The following COL4A2 variants were observed in gnomAD, a reference collection of about 807,000 sequenced individuals.
The protein encoded by COL4A2 is collagen type IV alpha 2 chain.
COL4A2 carries 99 observed loss-of-function variants against 200.2 expected under a neutral mutation model. That is an observed-to-expected ratio of 0.49 (90% CI 0.42 to 0.58). COL4A2 has a LOEUF of 0.58. Ranked by LOEUF, COL4A2 falls within the 20% of genes least tolerant of loss-of-function variation. The pLI is 0.00. For missense variants in COL4A2, 1,950 were observed against 2,314.1 expected, an observed-to-expected ratio of 0.84 and a Z score of 3.23; for synonymous variants, 897 against 900.6, an observed-to-expected ratio of 1.00 and a Z score of 0.07.
At chr13:110,391,699 T>C (rs1280870520) in intron 4 of COL4A2, among the ~76,000 whole-genome samples, 1 of 152,186 alleles carries the variant, frequency 6.6e-6, no homozygotes, top group Non-Finnish European at 1.5e-5. Flanking sequence ...ACACCTTTCT[T>C]TCAGGGTCGT....
intron 3 of COL4A2, among the ~76,000 whole-genome samples, chr13:110,326,062 G>A (rs1317612460): frequency 1.3e-5 from 2 of 152,070 alleles, no homozygotes; most frequent in Non-Finnish European, 2.9e-5. Flanking sequence ...GTGGGATTAC[G>A]GGCATGAGCC....
intron 5 of COL4A2, 38 bp from the exon 6 acceptor site, chr13:110,424,915 A>G: frequency 6.2e-7 from 1 of 1,614,208 alleles, no homozygotes; most frequent in Non-Finnish European, 8.5e-7. Context: ...GGTGGCGGGT[A>G]TCTCAGCCTT....
At chr13:110,496,062 C>A (rs1883444668) in intron 40 of COL4A2, among the ~76,000 whole-genome samples, 1 of 152,230 alleles carries the variant, frequency 6.6e-6, no homozygotes. Flanking sequence ...CTCCCCCACC[C>A]CGCCCACCTC....
chr13:110,482,773 A>G (rs904532631), intron 32 of COL4A2, 114 bp downstream of exon 32: 1 of 1,122,216 alleles, frequency 8.9e-7, no homozygotes, highest in African/African-American at 1.6e-5. Context: ...GCATCCAGGA[A>G]CCCTAAAGCT....
intron 3 of COL4A2, among the ~76,000 whole-genome samples, chr13:110,323,736 A>G (rs1885337370): frequency 6.6e-6 from 1 of 152,248 alleles, no homozygotes; most frequent in Admixed American, 6.5e-5. Context: ...AGCCATGGGC[A>G]CGCTGCCCCC....
At chr13:110,418,965 G>A (rs950544617) in intron 4 of COL4A2, among the ~76,000 whole-genome samples, 4 of 152,172 alleles carry the variant, frequency 2.6e-5, no homozygotes, top group Non-Finnish European at 4.4e-5. Context: ...TATTTTTCTA[G>A]AGCCTAAAAA....
Position 110,508,019 on chromosome 13 carries a change from G to A in COL4A2, c.4679G>A (p.Arg1560Gln), listed in dbSNP as rs1411209661. Reference sequence around the variant, plus strand: ...GGTGATGTCTGCTACTATGCCAGCCGGAACGACAAGTCCTACTGGCTCTCT... The same window carrying A: ...GGTGATGTCTGCTACTATGCCAGCCAGAACGACAAGTCCTACTGGCTCTCT... ...NPGDVCYYAS[R>Q]NDKSYWLSTT... The change falls in exon 47 of 48, where the codon CGG becomes CAG. Residue 1560 changes from arginine to glutamine, a missense_variant. Arg to Gln is a conservative substitution (Grantham distance 43). This residue lies in a region of COL4A2 where 1,385 missense variants were observed against 1,720.5 expected (regional missense o/e 0.80). Coordinates refer to ENST00000360467, the MANE Select transcript of COL4A2 (RefSeq NM_001846.4). The surrounding 1 kb of genome is among the most constrained non-coding windows in gnomAD (Gnocchi z 6.1). 9 of 1,614,068 alleles carry A rather than the reference G, an allele frequency of 5.6e-6. No individual in the cohort carries two copies. Among genetic ancestry groups the A allele is most frequent in the Admixed American group, 1.7e-5 (1 of 60,006 alleles).
intron 4 of COL4A2, among the ~76,000 whole-genome samples, chr13:110,403,602 T>C (rs1879455577): frequency 6.6e-6 from 1 of 152,192 alleles, no homozygotes; most frequent in Non-Finnish European, 1.5e-5. Flanking sequence ...GGTTGAGGCT[T>C]TCTCTACAGC....
intron 3 of COL4A2, among the ~76,000 whole-genome samples, chr13:110,313,206 C>T (rs905194204): frequency 1.6e-4 from 25 of 152,186 alleles, no homozygotes; most frequent in African/African-American, 6.0e-4. Flanking sequence ...ATAGTCCCCT[C>T]TTGCTGTTTC....
At chr13:110,373,752 A>G (rs541377825) in intron 4 of COL4A2, among the ~76,000 whole-genome samples, 30 of 152,348 alleles carry the variant, frequency 2.0e-4, no homozygotes, top group African/African-American at 6.7e-4. Flanking sequence ...CTGCCTGAGA[A>G]TCTATGACAT....
intron 3 of COL4A2, among the ~76,000 whole-genome samples, chr13:110,353,226 C>T (rs528862626): frequency 5.9e-5 from 9 of 152,246 alleles, no homozygotes; most frequent in Admixed American, 1.3e-4. Flanking sequence ...ACAGGCCTCA[C>T]GGAGACTGAA....
At chr13:110,328,137 T>C (rs887802583) in intron 3 of COL4A2, among the ~76,000 whole-genome samples, 2 of 152,172 alleles carry the variant, frequency 1.3e-5, no homozygotes, top group African/African-American at 2.4e-5. Flanking sequence ...ATATAATCTG[T>C]TTAAGAAAAA....
At chr13:110,363,375 G>A (rs1469416774) in intron 4 of COL4A2, among the ~76,000 whole-genome samples, 2 of 152,164 alleles carry the variant, frequency 1.3e-5, no homozygotes, top group Non-Finnish European at 2.9e-5. Context: ...CACAGTCTAT[G>A]GGTCCCTGGA....
chr13:110,493,892 A>C (rs549773554), intron 39 of COL4A2, among the ~76,000 whole-genome samples: 10 of 152,202 alleles, frequency 6.6e-5, no homozygotes, highest in African/African-American at 2.4e-4. Flanking sequence ...GTCACTTCTT[A>C]TAAGGGCAGT....
At chr13:110,425,139 C>T in intron 6 of COL4A2, 142 bp downstream of exon 6, 1 of 934,648 alleles carries the variant, frequency 1.1e-6, no homozygotes, top group East Asian at 2.6e-5. Context: ...TGCGTATTCT[C>T]CCCGCGGAAT....
Position 110,355,398 on chromosome 13 carries a change from C to T in COL4A2, c.100-2074C>T, listed in dbSNP as rs11069841. The stretch of plus-strand genomic sequence containing the variant: ...GCTCACCTGTGTGGGGGGAGGGCTG[C>T]ACTAGCTCACCTGTGTGTGTGGGGG... On this transcript the variant is annotated intron_variant, in intron 3 of 47. Transcript: ENST00000360467. 6.2e-3 allele frequency among the ~76,000 whole-genome samples: 432 copies of T among 69,314 alleles called. 13 individuals carry two copies. Among genetic ancestry groups the T allele is most frequent in the African/African-American group, 0.029 (196 of 6,834 alleles). 45.5% of individuals were successfully genotyped at this position (69,314 alleles called of 152,430 possible). A position where few individuals can be genotyped will look rare whatever the true frequency, so the allele number is the denominator to read the frequency against.
At chr13:110,338,068 G>T (rs1198532611) in intron 3 of COL4A2, among the ~76,000 whole-genome samples, 2 of 152,164 alleles carry the variant, frequency 1.3e-5, no homozygotes, top group African/African-American at 4.8e-5. Context: ...TAGGAACTGC[G>T]TATTGCTCAC....
chr13:110,394,504 C>T (rs951691059), intron 4 of COL4A2, among the ~76,000 whole-genome samples: 3 of 152,244 alleles, frequency 2.0e-5, no homozygotes, highest in African/African-American at 7.2e-5. Flanking sequence ...AGCCACAAAT[C>T]CAAACATGCG....
intron 6 of COL4A2, among the ~76,000 whole-genome samples, chr13:110,425,517 A>C (rs1011956856): frequency 1.3e-5 from 2 of 152,366 alleles, no homozygotes; most frequent in African/African-American, 4.8e-5. Context: ...CGTGGCATAA[A>C]AAAATAAACA....
Sources: gnomAD v4.1 joint callset for allele counts (sites outside exome capture counted in the v4.1 genomes callset) on GRCh38, gnomAD v4.1.1 for gene constraint, gnomAD v4.1.1 regional missense constraint, Gnocchi (gnomAD v3.1) non-coding constraint, MANE v1.5 for transcripts, NCBI Gene and HGNC (gene_info 2026-07-23, HGNC 2026-07-21) for gene names.